Variants in SAMD5 observed in about 807,000 individuals in gnomAD.
SAMD5 encodes sterile alpha motif domain containing 5.
In SAMD5, 13 loss-of-function variants were observed where a neutral mutation model predicts 11.3. The ratio of observed to expected loss-of-function variants is 1.15; its 90% CI spans 0.75 to 1.83. The LOEUF (loss-of-function observed/expected upper bound fraction) is 1.83. Ranked by LOEUF, SAMD5 falls within the 40% of genes most tolerant of loss-of-function variation. SAMD5 has a pLI of 0.00. For synonymous variants in SAMD5, 129 were observed against 111.3 expected (o/e 1.16, Z -1.00); for missense variants, 255 against 239.1 (o/e 1.07, Z -0.44).
chr6:147,685,025 G>A (rs73011988), intron 1 of SAMD5, among the ~76,000 whole-genome samples: 17,510 of 152,154 alleles, frequency 0.12, 1,107 homozygotes, highest in Middle Eastern at 0.16. Context: ...ATAGTAGTTT[G>A]GATAGGGCTT....
chr6:147,588,077 A>G (rs1377626013), intron 1 of SAMD5, among the ~76,000 whole-genome samples: 6 of 152,094 alleles, frequency 3.9e-5, no homozygotes, highest in Non-Finnish European at 7.3e-5. Flanking sequence ...ATGAAAGCAA[A>G]TAAATTAAGG....
intron 1 of SAMD5, 88 bp downstream of exon 1, chr6:147,509,475 C>T: frequency 8.2e-7 from 1 of 1,224,338 alleles, no homozygotes; most frequent in Non-Finnish European, 1.1e-6. Context: ...CAACCCATTC[C>T]AGGTGACGAC....
At chr6:147,571,471 T>C (rs1366210391), downstream of SAMD5, among the ~76,000 whole-genome samples, 1 of 152,144 alleles carries the variant, frequency 6.6e-6, no homozygotes, top group Non-Finnish European at 1.5e-5. Flanking sequence ...AAAAACTTAC[T>C]CTACCCGCAC....
intron 1 of SAMD5, among the ~76,000 whole-genome samples, chr6:147,722,586 A>G (rs1791571378): frequency 6.6e-6 from 1 of 152,138 alleles, no homozygotes. Context: ...TAATATTTCT[A>G]ATACACTTTG....
chr6:147,691,276 G>A (rs1341926186), intron 1 of SAMD5, among the ~76,000 whole-genome samples: 2 of 152,096 alleles, frequency 1.3e-5, no homozygotes, highest in East Asian at 3.9e-4. Context: ...TTACAGGCGT[G>A]AGCCACCATA....
the SAMD5 span, among the ~76,000 whole-genome samples, chr6:147,837,552 A>T: frequency 6.6e-6 from 1 of 152,296 alleles, no homozygotes; most frequent in South Asian, 2.1e-4. Context: ...TGGTATGGAG[A>T]TATGAAGGTT....
At chr6:147,650,008 G>C (rs1380185843) in intron 1 of SAMD5, among the ~76,000 whole-genome samples, 1 of 152,138 alleles carries the variant, frequency 6.6e-6, no homozygotes, top group African/African-American at 2.4e-5. Context: ...CCTACATCTG[G>C]ACACTTTGGA....
intron 1 of SAMD5, among the ~76,000 whole-genome samples, chr6:147,555,565 C>A (rs112472757): frequency 6.6e-6 from 1 of 152,072 alleles, no homozygotes; most frequent in Non-Finnish European, 1.5e-5. Flanking sequence ...GATATTAACA[C>A]ATGGAATTTT....
At chr6:147,830,166 A>T in the SAMD5 span, among the ~76,000 whole-genome samples, 1 of 151,452 alleles carries the variant, frequency 6.6e-6, no homozygotes, top group East Asian at 1.9e-4. Context: ...ATAGAATTGG[A>T]GAGAAAGAAT....
the SAMD5 span, among the ~76,000 whole-genome samples, chr6:147,781,143 GT>G: frequency 6.7e-6 from 1 of 149,190 alleles, no homozygotes; most frequent in African/African-American, 2.5e-5. Context: ...TCGATGGTTG[GT>G]TTGGTTTTGG....
At chr6:147,915,420 A>T in the SAMD5 span, among the ~76,000 whole-genome samples, 1 of 152,198 alleles carries the variant, frequency 6.6e-6, no homozygotes, top group African/African-American at 2.4e-5. Context: ...TATTTAAAAC[A>T]TTTTTTTAAA....
At chr6:147,601,907 A>G (rs1011945602) in intron 1 of SAMD5, among the ~76,000 whole-genome samples, 3 of 152,288 alleles carry the variant, frequency 2.0e-5, no homozygotes, top group Non-Finnish European at 2.9e-5. Context: ...CGTGAAAGCT[A>G]TCTTGGTGCA....
the SAMD5 span, among the ~76,000 whole-genome samples, chr6:147,869,143 A>G: frequency 5.2e-4 from 79 of 152,308 alleles, no homozygotes; most frequent in Middle Eastern, 3.4e-3. Flanking sequence ...TGAGAAAGAA[A>G]TTTCTCTGAT....
At chr6:147,830,502 C>T in the SAMD5 span, among the ~76,000 whole-genome samples, 2 of 151,836 alleles carry the variant, frequency 1.3e-5, no homozygotes, top group African/African-American at 2.4e-5. Context: ...AATGATCCGC[C>T]GCCTCAGCCT....
the SAMD5 span, among the ~76,000 whole-genome samples, chr6:147,951,125 A>T: frequency 6.6e-6 from 1 of 151,726 alleles, no homozygotes. Flanking sequence ...GTCATCAAAG[A>T]CCAAACTGAC....
chr6:147,801,877 C>T, the SAMD5 span, among the ~76,000 whole-genome samples: 1 of 152,118 alleles, frequency 6.6e-6, no homozygotes, highest in Admixed American at 6.5e-5. Context: ...GAAAAAGGAA[C>T]CTTGACCCCT....
In SAMD5 at chr6:147,711,992, A is replaced by G. The variant is rs1282318463; in HGVS notation, c.163-25325A>G. On this transcript the variant is annotated intron_variant, in intron 1 of 1. Transcript: ENST00000566741. This position sits in a 1 kb window ranked among gnomAD's most constrained non-coding sequence, Gnocchi z 4.1. ...AATGAGCATTTTCTTACAGAAATCC[A>G]AGAGACATTACAGGGGAGATAAAGA... Among the ~76,000 whole-genome samples, 2 of 152,198 alleles carry G rather than the reference A, an allele frequency of 1.3e-5. No individual in the cohort carries two copies. Among genetic ancestry groups the G allele is most frequent in the Non-Finnish European group, 2.9e-5 (2 of 68,020 alleles).
Position 147,610,972 on chromosome 6 carries a change from C to T in SAMD5, c.162+101585C>T, listed in dbSNP as rs113675389. 8.5e-3 allele frequency among the ~76,000 whole-genome samples: 1,285 copies of T among 151,366 alleles called. 11 individuals carry two copies. Among genetic ancestry groups the T allele is most frequent in the Middle Eastern group, 0.027 (8 of 294 alleles). ...GCAACCTCCGCCTCCCGAGTTCAAG[C>T]TATTCTCCTGCCTCAACCTCCTGAG... is the stretch of plus-strand genomic sequence containing the variant. On this transcript the variant is annotated intron_variant, in intron 1 of 1. Transcript: ENST00000566741.
intron 1 of SAMD5, among the ~76,000 whole-genome samples, chr6:147,629,948 C>CTTTTTTT (rs770484060): frequency 8.1e-6 from 1 of 123,252 alleles, no homozygotes. Flanking sequence ...GTTTTCTTTT[C>CTTTTTTT]TTTTTTTTTT....
Sources: gnomAD v4.1 joint callset for allele counts (sites outside exome capture counted in the v4.1 genomes callset) on GRCh38, gnomAD v4.1.1 for gene constraint, Gnocchi (gnomAD v3.1) non-coding constraint, MANE v1.5 for transcripts, NCBI Gene and HGNC (gene_info 2026-07-23, HGNC 2026-07-21) for gene names.